Variants in HPSE2 observed in about 807,000 individuals in gnomAD.
HPSE2 encodes inactive heparanase-2.
HPSE2 carries 38 observed loss-of-function variants against 60.5 expected under a neutral mutation model. That is an observed-to-expected ratio of 0.63 (90% CI 0.48 to 0.82). The LOEUF (loss-of-function observed/expected upper bound fraction) is 0.82, where lower values mean the gene tolerates loss of function less well. HPSE2 is among the 40% of genes least tolerant of loss of function. The probability of loss-of-function intolerance (pLI) is 0.00; values close to 1 mark genes in which losing one functional copy is unlikely to be tolerated. For missense variants in HPSE2, 713 were observed against 740.4 expected (o/e 0.96, Z 0.43); for synonymous variants, 295 against 293.2 (o/e 1.01, Z -0.06).
the HPSE2 span, among the ~76,000 whole-genome samples, chr10:99,286,372 T>C: frequency 6.6e-6 from 1 of 152,162 alleles, no homozygotes. Context: ...ATGTACACAA[T>C]GGAATAGTCA....
chr10:98,519,495 T>G (rs921275272), intron 9 of HPSE2, among the ~76,000 whole-genome samples: 7 of 152,230 alleles, frequency 4.6e-5, no homozygotes, highest in African/African-American at 7.2e-5. Context: ...CAAAAGTATT[T>G]CTACAAGTCA....
At position 99,182,084 on chromosome 10, in the gene HPSE2, G is replaced by A. The variant is rs61275069; in HGVS notation, c.449-37685C>T. On this transcript the variant is annotated intron_variant, in intron 2 of 11. Coordinates refer to ENST00000370552, the MANE Select transcript of HPSE2 (RefSeq NM_021828.5). Reference sequence around the variant, plus strand: ...ACTGGGAGGAATAACTTTCTGTTGTGATTAATAAATGTTTGATGTTTAAGC... The same window carrying A: ...ACTGGGAGGAATAACTTTCTGTTGTAATTAATAAATGTTTGATGTTTAAGC... Among the ~76,000 whole-genome samples the A allele has an allele frequency of 4.1e-3, 623 of 152,300 alleles. 5 individuals are homozygous for A. The highest frequency in any genetic ancestry group is 0.014 in the African/African-American group (591 of 41,556).
Position 98,459,629 on chromosome 10 carries a change from G to A in HPSE2, c.1724C>T (p.Thr575Ile). ...AGRTLVIPPVTMGFYVVKNVN... is the reference protein window; with the variant it reads ...AGRTLVIPPVIMGFYVVKNVN... ...ATTCTTGACCACATAAAAGCCCATG[G>A]TGACTGGAGGGATGACCAATGTCCG... Residue 575 changes from threonine (T) to isoleucine (I), a missense_variant, in exon 12 of 12, where the codon ACC (threonine) becomes ATC (isoleucine). Coordinates refer to ENST00000370552, the MANE Select transcript of HPSE2 (RefSeq NM_021828.5). 6.2e-7 allele frequency: 1 copy of A among 1,614,198 alleles called. No individual in the cohort carries two copies. Among genetic ancestry groups the A allele is most frequent in the Non-Finnish European group, 8.5e-7 (1 of 1,180,032 alleles).
At chr10:98,688,084 G>A (rs932121215) in intron 6 of HPSE2, among the ~76,000 whole-genome samples, 3 of 151,094 alleles carry the variant, frequency 2.0e-5, no homozygotes, top group South Asian at 2.1e-4. Flanking sequence ...ATGGCTTTTC[G>A]GCTATACTTT....
Position 98,986,740 on chromosome 10 carries a change from T to A in HPSE2, c.610+157498A>T, listed in dbSNP as rs868310645. On this transcript the variant is annotated intron_variant, in intron 3 of 11. Transcript: ENST00000370552. ...GAAAAGATCAACAAAATTGATAGAC[T>A]GCTAGCTAGACTAATAAAGAAGAAA... is the stretch of plus-strand genomic sequence containing the variant. Among the ~76,000 whole-genome samples, 39 of 149,604 alleles carry A rather than the reference T, an allele frequency of 2.6e-4. No individual in the cohort carries two copies. In the Middle Eastern group the frequency reaches 0.01, roughly 40 times the overall value.
At chr10:98,543,867 C>T (rs1943561186) in intron 9 of HPSE2, among the ~76,000 whole-genome samples, 1 of 151,984 alleles carries the variant, frequency 6.6e-6, no homozygotes, top group Non-Finnish European at 1.5e-5. Context: ...TAGACTCCCA[C>T]ACAATAATAA....
At chr10:98,941,391 G>A (rs1208715094) in intron 3 of HPSE2, among the ~76,000 whole-genome samples, 1 of 128,108 alleles carries the variant, frequency 7.8e-6, no homozygotes, top group Non-Finnish European at 1.6e-5. Context: ...AAAGTCTCAG[G>A]ATACAAAATC....
intron 2 of HPSE2, among the ~76,000 whole-genome samples, chr10:99,186,104 CCACA>C (rs527839752): frequency 0.093 from 7,482 of 80,542 alleles, 302 homozygotes; most frequent in Middle Eastern, 0.13. Flanking sequence ...GGATAAATAA[CCACA>C]CACACACACA....
At chr10:98,500,145 G>A (rs989608368) in intron 9 of HPSE2, among the ~76,000 whole-genome samples, 1 of 152,074 alleles carries the variant, frequency 6.6e-6, no homozygotes, top group African/African-American at 2.4e-5. Flanking sequence ...AGAAACAATG[G>A]ATTTAAACTA....
At chr10:99,256,410 G>A in the HPSE2 span, among the ~76,000 whole-genome samples, 1 of 7,254 alleles carries the variant, frequency 1.4e-4, no homozygotes, top group Admixed American at 1.2e-3. Context: ...TCACCAAACA[G>A]GTCCTTATGA....
intron 3 of HPSE2, among the ~76,000 whole-genome samples, chr10:99,079,192 C>T (rs1843047218): frequency 6.6e-6 from 1 of 152,150 alleles, no homozygotes; most frequent in Non-Finnish European, 1.5e-5. Flanking sequence ...CCACAAGAGG[C>T]AAGAAAGAAA....
chr10:98,810,953 C>G (rs1410485648), intron 3 of HPSE2, among the ~76,000 whole-genome samples: 1 of 152,024 alleles, frequency 6.6e-6, no homozygotes, highest in Non-Finnish European at 1.5e-5. Context: ...TGGATTCATA[C>G]TCTTTTTTAC....
chr10:98,674,855 G>A (rs1480794240), intron 6 of HPSE2, among the ~76,000 whole-genome samples: 2 of 152,138 alleles, frequency 1.3e-5, no homozygotes, highest in African/African-American at 2.4e-5. Context: ...CTGGGAAGTG[G>A]AGGCTGCAGT....
chr10:98,686,455 G>T lies in HPSE2; in HGVS notation c.1004+7445C>A, dbSNP rs1458608917. Reference sequence around the variant, plus strand: ...CTTGCTCTGTCACCAAGGCTAGGTTGCAGTGGCATGATCATAGCTCACTGT... The same window carrying T: ...CTTGCTCTGTCACCAAGGCTAGGTTTCAGTGGCATGATCATAGCTCACTGT... On this transcript the variant is annotated intron_variant, in intron 6 of 11. Coordinates refer to ENST00000370552, the MANE Select transcript of HPSE2 (RefSeq NM_021828.5). Among the ~76,000 whole-genome samples, 3 of 152,238 alleles carry T rather than the reference G, an allele frequency of 2.0e-5. No homozygotes were observed. The East Asian group carries it at 5.8e-4, about 29-fold the overall frequency.
intron 3 of HPSE2, among the ~76,000 whole-genome samples, chr10:99,012,035 C>G (rs1346907145): frequency 6.6e-6 from 1 of 151,648 alleles, no homozygotes; most frequent in East Asian, 1.9e-4. Context: ...GAAAACATAC[C>G]TTACTTTTAC....
At chr10:98,774,418 TTG>T (rs1950299794) in intron 3 of HPSE2, among the ~76,000 whole-genome samples, 1 of 151,546 alleles carries the variant, frequency 6.6e-6, no homozygotes, top group Non-Finnish European at 1.5e-5. Flanking sequence ...GTTTAAATGA[TTG>T]TGTCAGCTCT....
Position 98,792,432 on chromosome 10 carries a change from C to T in HPSE2, c.611-48376G>A, listed in dbSNP as rs557001785. Among the ~76,000 whole-genome samples the T allele has an allele frequency of 5.9e-5, 9 of 152,158 alleles. No homozygotes were observed. The South Asian group carries it at 1.5e-3, about 25-fold the overall frequency. On this transcript the variant is annotated intron_variant, in intron 3 of 11. Transcript: ENST00000370552. ...GGAGGGGCTTCTATAACTAGTTCAC[C>T]GGTAACTCCACATAAGTCAAACAAA...
At chr10:98,861,140 C>T (rs954767322) in intron 3 of HPSE2, among the ~76,000 whole-genome samples, 16 of 152,146 alleles carry the variant, frequency 1.1e-4, no homozygotes, top group African/African-American at 3.9e-4. Flanking sequence ...GTTTTATTTG[C>T]TATTCAAAGT....
At chr10:98,746,197 G>GAAATACATTTAATCATTATTTTTAGTTCC (rs1565131803) in intron 3 of HPSE2, among the ~76,000 whole-genome samples, 2 of 146,542 alleles carry the variant, frequency 1.4e-5, no homozygotes, top group Non-Finnish European at 3.0e-5. Context: ...TCACATTCAG[G>GAAATACATTTAATCATTATTTTTAGTTCC]AAATACATTT....
Sources: gnomAD v4.1 joint callset for allele counts (sites outside exome capture counted in the v4.1 genomes callset) on GRCh38, gnomAD v4.1.1 for gene constraint, MANE v1.5 for transcripts, NCBI Gene and HGNC (gene_info 2026-07-23, HGNC 2026-07-21) for gene names.